The following TNR variants were observed in gnomAD, a reference collection of about 807,000 sequenced individuals.
TNR encodes tenascin-R.
Under a neutral mutation model 150.4 loss-of-function variants are expected in TNR, and 45 were observed. That is an observed-to-expected ratio of 0.30 (90% CI 0.24 to 0.38). The LOEUF (loss-of-function observed/expected upper bound fraction) is 0.38, where lower values mean the gene tolerates loss of function less well. TNR is among the 10% of genes least tolerant of loss of function. The pLI is 1.00. For synonymous variants in TNR, 687 were observed against 678.4 expected, an observed-to-expected ratio of 1.01 and a Z score of -0.20; for missense variants, 1,544 against 1,759.1, an observed-to-expected ratio of 0.88 and a Z score of 2.19.
chr1:175,670,652 G>T (rs970918732), intron 1 of TNR, among the ~76,000 whole-genome samples: 1 of 152,116 alleles, frequency 6.6e-6, no homozygotes. Flanking sequence ...ACCTCAGAGG[G>T]GAGGGGTTCT....
At chr1:175,613,686 G>A (rs2101857541) in intron 1 of TNR, among the ~76,000 whole-genome samples, 1 of 152,226 alleles carries the variant, frequency 6.6e-6, no homozygotes, top group East Asian at 1.9e-4. Flanking sequence ...ACTTTGGCCA[G>A]TGGACACCAG....
At chr1:175,680,911 C>T (rs768823217) in intron 1 of TNR, among the ~76,000 whole-genome samples, 1 of 152,110 alleles carries the variant, frequency 6.6e-6, no homozygotes, top group Non-Finnish European at 1.5e-5. Context: ...TTGGTGCTAC[C>T]AGTTTCTAGT....
At chr1:175,532,200 G>A (rs1204558715) in intron 1 of TNR, among the ~76,000 whole-genome samples, 1 of 152,222 alleles carries the variant, frequency 6.6e-6, no homozygotes, top group Non-Finnish European at 1.5e-5. Flanking sequence ...TCCCAAGGAT[G>A]CTGATCAGCT....
chr1:175,731,615 G>A (rs1265357241), intron 1 of TNR, among the ~76,000 whole-genome samples: 3 of 152,142 alleles, frequency 2.0e-5, no homozygotes, highest in Admixed American at 1.3e-4. Context: ...GGCTCAGAGA[G>A]GCTCAATGAT....
chr1:175,683,074 G>A (rs1264867222), intron 1 of TNR, among the ~76,000 whole-genome samples: 2 of 152,132 alleles, frequency 1.3e-5, no homozygotes, highest in Non-Finnish European at 2.9e-5. Flanking sequence ...CTGTGGGCCT[G>A]TGACAGTTCT....
intron 2 of TNR, among the ~76,000 whole-genome samples, chr1:175,478,910 A>G (rs1234176831): frequency 6.6e-6 from 1 of 152,122 alleles, no homozygotes; most frequent in East Asian, 1.9e-4. Flanking sequence ...AGGAAATAGG[A>G]CTTTAGACTA....
At chr1:175,709,285 C>T in intron 1 of TNR, among the ~76,000 whole-genome samples, 1 of 145,970 alleles carries the variant, frequency 6.9e-6, no homozygotes, top group Admixed American at 6.8e-5. Context: ...GGGCTTCCTC[C>T]CTTGCTTTCA....
chr1:175,496,637 C>A (rs1293910901), intron 2 of TNR, among the ~76,000 whole-genome samples: 2 of 152,186 alleles, frequency 1.3e-5, no homozygotes, highest in East Asian at 3.8e-4. Context: ...CCCTACAAGA[C>A]CATTCTGTGA....
intron 6 of TNR, among the ~76,000 whole-genome samples, chr1:175,391,640 T>C (rs1653175875): frequency 6.6e-6 from 1 of 152,218 alleles, no homozygotes; most frequent in Admixed American, 6.5e-5. Flanking sequence ...CACCACCCTA[T>C]GAGGATTTGG....
chr1:175,373,524 G>C (rs1204025189), intron 9 of TNR, among the ~76,000 whole-genome samples: 1 of 152,182 alleles, frequency 6.6e-6, no homozygotes, highest in East Asian at 1.9e-4. Flanking sequence ...GGGTGTGCAT[G>C]ATGTTCAAGT....
intron 1 of TNR, among the ~76,000 whole-genome samples, chr1:175,733,706 T>G (rs1667700400): frequency 6.6e-6 from 1 of 151,968 alleles, no homozygotes; most frequent in Non-Finnish European, 1.5e-5. Context: ...CAGATCAGGG[T>G]CTGGATCAAC....
intron 2 of TNR, among the ~76,000 whole-genome samples, chr1:175,447,245 G>T (rs1018117281): frequency 1.3e-5 from 2 of 152,120 alleles, no homozygotes; most frequent in Admixed American, 6.5e-5. Context: ...GAGGGGAGAG[G>T]CCTGGTCCCT....
chr1:175,696,433 A>G (rs1666529537), intron 1 of TNR, among the ~76,000 whole-genome samples: 1 of 152,046 alleles, frequency 6.6e-6, no homozygotes, highest in Admixed American at 6.6e-5. Context: ...TGAAGACATA[A>G]AGGTTGTTCA....
intron 1 of TNR, among the ~76,000 whole-genome samples, chr1:175,691,551 C>T (rs1666369507): frequency 6.6e-6 from 1 of 151,986 alleles, no homozygotes; most frequent in Non-Finnish European, 1.5e-5. Flanking sequence ...CAAGCCAGAC[C>T]CAGCCCCTTC....
At chr1:175,403,039 C>T (rs1053037288) in intron 4 of TNR, 101 bp downstream of exon 4, 7 of 1,016,190 alleles carry the variant, frequency 6.9e-6, no homozygotes, top group Non-Finnish European at 1.0e-5. Flanking sequence ...TTTGCCTAAA[C>T]TTCACTTTCT....
Position 175,386,414 on chromosome 1 carries a change from A to G in TNR, c.1508-113T>C, listed in dbSNP as rs1043586802. The G allele has an allele frequency of 6.3e-5, 72 of 1,140,594 alleles. 1 individual carries two copies. In the African/African-American group the frequency reaches 9.1e-4, roughly 14 times the overall value. 70.7% of individuals were successfully genotyped at this position (1,140,594 alleles called of 1,614,324 possible). On this transcript the variant is annotated intron_variant, in intron 7 of 22. Coordinates refer to ENST00000367674, the MANE Select transcript of TNR (RefSeq NM_003285.3). ...CTGGTGAGTCAGAGAGAGGATGGGT[A>G]TTGTTACTGCATTTTACAGATGAGG...
At chr1:175,578,113 T>G (rs1662194486) in intron 1 of TNR, among the ~76,000 whole-genome samples, 1 of 152,162 alleles carries the variant, frequency 6.6e-6, no homozygotes. Flanking sequence ...TCCAGACCTC[T>G]CGGGTCTGTA....
intron 1 of TNR, among the ~76,000 whole-genome samples, chr1:175,694,489 T>C (rs1448644409): frequency 2.0e-5 from 3 of 152,216 alleles, no homozygotes; most frequent in Non-Finnish European, 4.4e-5. Flanking sequence ...AGATCCCACA[T>C]TGCAACCAGA....
chr1:175,387,586 G>T (rs1000362962), intron 7 of TNR, among the ~76,000 whole-genome samples: 7 of 152,244 alleles, frequency 4.6e-5, no homozygotes, highest in African/African-American at 1.7e-4. Context: ...TCTGGTGCAA[G>T]TCTTTTGTGA....
Sources: allele counts gnomAD v4.1 joint callset (sites outside exome capture counted in the v4.1 genomes callset), GRCh38; gene constraint gnomAD v4.1.1; transcripts MANE v1.5; gene names NCBI Gene and HGNC (gene_info 2026-07-23, HGNC 2026-07-21).